The following SARDH variants were observed in gnomAD, a reference collection of about 807,000 sequenced individuals.
The protein encoded by SARDH is sarcosine dehydrogenase, also known as sarcosine dehydrogenase, mitochondrial.
A neutral mutation model predicts 109.1 loss-of-function variants in SARDH; 95 were observed. The observed-to-expected ratio is 0.87, with a 90% CI of 0.74 to 1.03. The LOEUF (loss-of-function observed/expected upper bound fraction) is 1.03. Ranked by LOEUF, SARDH falls within the 50% of genes least tolerant of loss-of-function variation. SARDH has a pLI of 0.00. For missense variants in SARDH, 1,267 were observed against 1,287.8 expected, an observed-to-expected ratio of 0.98 and a Z score of 0.25; for synonymous variants, 572 against 534.8, an observed-to-expected ratio of 1.07 and a Z score of -0.96.
At position 133,718,037 on chromosome 9, in the gene SARDH, T is replaced by C. The variant is rs1832191159; in HGVS notation, c.1021-582A>G. On this transcript the variant is annotated intron_variant, in intron 7 of 20. Transcript: ENST00000439388. This position sits in a 1 kb window ranked among gnomAD's most constrained non-coding sequence, Gnocchi z 4.2. ...TCCTTAACCTGCTAATTTTATTCAG[T>C]GCGCGATCATCTTCCAGAATTTCAT... is the stretch of plus-strand genomic sequence containing the variant. Among the ~76,000 whole-genome samples the C allele has an allele frequency of 6.6e-6, 1 of 152,216 alleles. No individual in the cohort carries two copies. Among genetic ancestry groups the C allele is most frequent in the Admixed American group, 6.5e-5 (1 of 15,272 alleles).
Position 133,677,061 on chromosome 9 carries a change from C to T in SARDH, c.2164-5364G>A, listed in dbSNP as rs542442064. ...GGCTGAGGCAGGAGAATTGGTTGAACCTGAGAGGCGGAGGCTGTAGCGAGC... is the reference window on the plus strand; with the variant it reads ...GGCTGAGGCAGGAGAATTGGTTGAATCTGAGAGGCGGAGGCTGTAGCGAGC... On this transcript the variant is annotated intron_variant, in intron 17 of 20. Coordinates refer to ENST00000439388, the MANE Select transcript of SARDH (RefSeq NM_001134707.2). 3.9e-5 allele frequency among the ~76,000 whole-genome samples: 6 copies of T among 152,136 alleles called. No individual in the cohort carries two copies. The East Asian group carries it at 7.7e-4, about 20-fold the overall frequency.
intron 14 of SARDH, among the ~76,000 whole-genome samples, chr9:133,694,860 G>C (rs1355650252): frequency 2.6e-5 from 4 of 152,186 alleles, no homozygotes; most frequent in Non-Finnish European, 4.4e-5. Flanking sequence ...GAGCAGAAGG[G>C]GGAACAGATG....
chr9:133,660,796 G>A (rs536846291), downstream of SARDH, among the ~76,000 whole-genome samples: 1 of 152,320 alleles, frequency 6.6e-6, no homozygotes, highest in African/African-American at 2.4e-5. Context: ...GCGACCCCAG[G>A]CTCCAGCCAG....
At chr9:133,710,734 C>T (rs191428414) in intron 10 of SARDH, among the ~76,000 whole-genome samples, 59 of 152,400 alleles carry the variant, frequency 3.9e-4, no homozygotes, top group African/African-American at 7.5e-4. Context: ...CCCGAGGTGG[C>T]AGAACATTGC....
rs141409671 is a variant in SARDH, at chr9:133,670,734, G to A, written c.2345C>T (p.Ala782Val). 3.0e-3 allele frequency: 4,826 copies of A among 1,585,754 alleles called. 13 individuals carry two copies. The highest frequency in any genetic ancestry group is 5.8e-3 in the Admixed American group (327 of 56,296). ...GGGGCTGTCGTCTGGCCGCAGGTCCGCGTGCCAGTGCCGGTAGCCTGTGGG... is the reference window on the plus strand; with the variant it reads ...GGGGCTGTCGTCTGGCCGCAGGTCCACGTGCCAGTGCCGGTAGCCTGTGGG... Reference protein sequence around the residue: ...SIEKGYRHWHADLRPDDSPLE... With the variant: ...SIEKGYRHWHVDLRPDDSPLE... The change falls in exon 19 of 21, where the codon GCG (alanine) becomes GTG (valine). Residue 782 changes from alanine to valine, a missense_variant. By Grantham distance (64) the Ala-to-Val change is moderately conservative. Transcript: ENST00000439388.
At chr9:133,706,533 G>A (rs990712298) in intron 11 of SARDH, among the ~76,000 whole-genome samples, 1 of 152,174 alleles carries the variant, frequency 6.6e-6, no homozygotes, top group African/African-American at 2.4e-5. Flanking sequence ...TAATGGGAAC[G>A]GTTGCACAGC....
At chr9:133,668,011 C>T (rs1005300766) in intron 19 of SARDH, among the ~76,000 whole-genome samples, 1 of 152,066 alleles carries the variant, frequency 6.6e-6, no homozygotes, top group Non-Finnish European at 1.5e-5. Flanking sequence ...TGACAGGAAA[C>T]CCCTGAGCAG....
At chr9:133,717,211 G>A in intron 8 of SARDH, 115 bp downstream of exon 8, 8 of 1,344,922 alleles carry the variant, frequency 5.9e-6, no homozygotes, top group Non-Finnish European at 8.2e-6. Flanking sequence ...GAGGGACCGG[G>A]GACAGCCCTG....
Position 133,709,144 on chromosome 9 carries a change from C to G in SARDH, c.1329-716G>C, listed in dbSNP as rs1347334972. 6.6e-6 allele frequency among the ~76,000 whole-genome samples: 1 copy of G among 152,140 alleles called. No individual in the cohort carries two copies. Among genetic ancestry groups the G allele is most frequent in the Non-Finnish European group, 1.5e-5 (1 of 68,014 alleles). ...TGCAATAGTTTTGGGTTTGTTCCTT[C>G]GAGGCTGGGGACACAGTGTGCGGCC... On this transcript the variant is annotated intron_variant, in intron 10 of 20. Transcript: ENST00000439388. The surrounding 1 kb of genome is among the most constrained non-coding windows in gnomAD (Gnocchi z 4.2).
chr9:133,726,258 C>T (rs1177306315), intron 6 of SARDH, among the ~76,000 whole-genome samples: 2 of 150,694 alleles, frequency 1.3e-5, no homozygotes, highest in Non-Finnish European at 1.5e-5. Flanking sequence ...GTCCCAGCTA[C>T]TCGGGAGGTG....
chr9:133,685,294 C>T lies in SARDH; in HGVS notation c.2070-8G>A, dbSNP rs1830846404. On this transcript the variant is annotated splice_region_variant and splice_polypyrimidine_tract_variant and intron_variant, in intron 16 of 20. Transcript: ENST00000439388. ...TCCTGCAAAATGGCTCGGCTGCAGG[C>T]AAGAGCAAAGTCGCTCAGTCAGCAA... 2 of 1,612,336 alleles carry T rather than the reference C, an allele frequency of 1.2e-6. No individual in the cohort carries two copies. Among genetic ancestry groups the T allele is most frequent in the Non-Finnish European group, 1.7e-6 (2 of 1,179,602 alleles).
At chr9:133,717,185 T>A in intron 8 of SARDH, 141 bp downstream of exon 8, 5 of 1,064,278 alleles carry the variant, frequency 4.7e-6, no homozygotes, top group Non-Finnish European at 6.8e-6. Flanking sequence ...CCAGGGCTGC[T>A]GGAGCCAAGC....
chr9:133,731,586 C>G, intron 3 of SARDH, 102 bp from the exon 4 acceptor site: 2 of 1,219,954 alleles, frequency 1.6e-6, no homozygotes, highest in South Asian at 1.4e-5. Context: ...GCCTCACTTT[C>G]TCCCAGAAGC....
chr9:133,731,748 T>C (rs116751334), intron 3 of SARDH, among the ~76,000 whole-genome samples: 1,602 of 152,324 alleles, frequency 0.011, 22 homozygotes, highest in African/African-American at 0.036. Flanking sequence ...GCAAAGTCGC[T>C]TCAGGCTCAC....
chr9:133,729,653 G>T, intron 6 of SARDH, 112 bp downstream of exon 6: 1 of 805,930 alleles, frequency 1.2e-6, no homozygotes, highest in Non-Finnish European at 2.0e-6. Flanking sequence ...ACTGAGGCTT[G>T]GGGCAGTGAG....
In SARDH at chr9:133,733,882, G is replaced by A. The variant is rs758532734; in HGVS notation, c.292C>T (p.Arg98Trp). Residue 98 changes from arginine (R) to tryptophan (W), a missense_variant, in exon 2 of 21, where the codon CGG (arginine) becomes TGG (tryptophan). Transcript: ENST00000439388. ...GTGGTCCCGGAGGTCAGCCGCTCCC[G>A]CTCCAGCAGCACCGCCCCACTCATG... ...LGMSGAVLLERERLTSGTTWH... is the reference protein window; with the variant it reads ...LGMSGAVLLEWERLTSGTTWH... 1.0e-5 allele frequency: 15 copies of A among 1,498,158 alleles called. No homozygotes were observed. The highest frequency in any genetic ancestry group is 9.5e-5 in the East Asian group (4 of 41,984). 92.8% of individuals were successfully genotyped at this position (1,498,158 alleles called of 1,614,324 possible). A position where few individuals can be genotyped will look rare whatever the true frequency, so the allele number is the denominator to read the frequency against.
intron 16 of SARDH, among the ~76,000 whole-genome samples, chr9:133,688,385 C>T (rs942087934): frequency 6.6e-6 from 1 of 151,590 alleles, no homozygotes; most frequent in African/African-American, 2.4e-5. Flanking sequence ...GTGCTATGAG[C>T]CTCGCCCAGT....
In SARDH at chr9:133,680,018, C is replaced by G. The variant is rs1022495552; in HGVS notation, c.2163+5175G>C. Among the ~76,000 whole-genome samples, 79 of 152,218 alleles carry G rather than the reference C, an allele frequency of 5.2e-4. 2 individuals carry two copies. Among genetic ancestry groups the G allele is most frequent in the Admixed American group, 4.6e-4 (7 of 15,280 alleles). ...ATCGCCTATAAATACCTGGCTCAGGCCCACGCTCCAGCCCAGCGTTTCTTC... is the reference window on the plus strand; with the variant it reads ...ATCGCCTATAAATACCTGGCTCAGGGCCACGCTCCAGCCCAGCGTTTCTTC... On this transcript the variant is annotated intron_variant, in intron 17 of 20. Transcript: ENST00000439388.
rs901126667 is a variant in SARDH at position 133,718,216 on chromosome 9, T to C, written c.1020+722A>G. Reference sequence around the variant, plus strand: ...CCTCCCAAGTAGCTGGGATTACAGGTGCCCGCCACCACACCTGGCTAATTT... The same window carrying C: ...CCTCCCAAGTAGCTGGGATTACAGGCGCCCGCCACCACACCTGGCTAATTT... On this transcript the variant is annotated intron_variant, in intron 7 of 20. Transcript: ENST00000439388. The surrounding 1 kb of genome is among the most constrained non-coding windows in gnomAD (Gnocchi z 4.2). 6.4e-6 allele frequency: 1 copy of C among 156,694 alleles called. No homozygotes were observed. Among genetic ancestry groups the C allele is most frequent in the Non-Finnish European group, 1.4e-5 (1 of 70,986 alleles). The allele number at this position is 156,694 out of a possible 1,614,324, so 9.7% of individuals were successfully genotyped here. A position where few individuals can be genotyped will look rare whatever the true frequency, so the allele number is the denominator to read the frequency against.
Sources: allele counts gnomAD v4.1 joint callset (sites outside exome capture counted in the v4.1 genomes callset), GRCh38; gene constraint gnomAD v4.1.1; non-coding constraint Gnocchi (gnomAD v3.1); transcripts MANE v1.5; gene names NCBI Gene and HGNC (gene_info 2026-07-23, HGNC 2026-07-21).